The following TTC28 variants were observed in gnomAD, a reference collection of about 807,000 sequenced individuals.
TTC28 encodes the protein tetratricopeptide repeat protein 28.
A neutral mutation model predicts 198.0 loss-of-function variants in TTC28; 61 were observed. The ratio of observed to expected loss-of-function variants is 0.31; its 90% CI spans 0.25 to 0.38. The LOEUF is 0.38. Ranked by LOEUF, TTC28 falls within the 10% of genes least tolerant of loss-of-function variation. The pLI is 1.00. For synonymous variants in TTC28, 1,171 were observed against 1,297.8 expected (o/e 0.90, Z 2.10); for missense variants, 2,678 against 3,164.0 (o/e 0.85, Z 3.69).
intron 5 of TTC28, among the ~76,000 whole-genome samples, chr22:28,290,614 A>T (rs926720786): frequency 2.6e-5 from 4 of 152,164 alleles, no homozygotes; most frequent in Admixed American, 6.5e-5. Flanking sequence ...CTATTTTTTT[A>T]AAAAATCACA....
At chr22:28,196,266 T>C (rs1483290687) in intron 5 of TTC28, among the ~76,000 whole-genome samples, 9 of 152,110 alleles carry the variant, frequency 5.9e-5, no homozygotes, top group Admixed American at 2.0e-4. Flanking sequence ...CCCTTCCTTA[T>C]ACCTTATACA....
chr22:28,152,823 C>A (rs1181048258), intron 6 of TTC28, among the ~76,000 whole-genome samples: 1 of 151,924 alleles, frequency 6.6e-6, no homozygotes, highest in Non-Finnish European at 1.5e-5. Flanking sequence ...CATCAGGTTT[C>A]CATAGATTTC....
At chr22:28,209,171 T>C (rs1244844560) in intron 5 of TTC28, among the ~76,000 whole-genome samples, 1 of 152,118 alleles carries the variant, frequency 6.6e-6, no homozygotes, top group Non-Finnish European at 1.5e-5. Flanking sequence ...TCCTTAGCTA[T>C]AAGAGAGAAG....
At chr22:28,211,515 A>C (rs1051594246) in intron 5 of TTC28, among the ~76,000 whole-genome samples, 31 of 152,188 alleles carry the variant, frequency 2.0e-4, no homozygotes, top group Non-Finnish European at 7.3e-5. Context: ...TAAATAAACA[A>C]GGATCAAAAG....
chr22:28,275,319 T>G (rs1932352692), intron 5 of TTC28, among the ~76,000 whole-genome samples: 1 of 152,224 alleles, frequency 6.6e-6, no homozygotes, highest in African/African-American at 2.4e-5. Flanking sequence ...ATCACTGCCA[T>G]GAGTTTGCCT....
intron 2 of TTC28, among the ~76,000 whole-genome samples, chr22:28,590,505 C>G (rs893395400): frequency 1.3e-5 from 2 of 152,104 alleles, no homozygotes; most frequent in African/African-American, 2.4e-5. Flanking sequence ...GTAATGCCAT[C>G]ACTTTGGGAA....
At chr22:28,415,326 G>A (rs1481577006) in intron 2 of TTC28, among the ~76,000 whole-genome samples, 1 of 151,938 alleles carries the variant, frequency 6.6e-6, no homozygotes, top group Non-Finnish European at 1.5e-5. Flanking sequence ...GAGGCATGCA[G>A]GTAAGCAATT....
At chr22:28,466,857 C>CACACT (rs1568962210) in intron 2 of TTC28, among the ~76,000 whole-genome samples, 1 of 94,448 alleles carries the variant, frequency 1.1e-5, no homozygotes, top group Admixed American at 1.2e-4. Context: ...ACACACACAC[C>CACACT]CCTATGCCAG....
chr22:28,615,600 GAATACTA>G (rs2146167254), intron 2 of TTC28, among the ~76,000 whole-genome samples: 1 of 152,214 alleles, frequency 6.6e-6, no homozygotes, highest in Non-Finnish European at 1.5e-5. Flanking sequence ...ATACACCATG[GAATACTA>G]CACAGCCATA....
At chr22:28,223,430 T>C (rs568715185) in intron 5 of TTC28, among the ~76,000 whole-genome samples, 5 of 152,360 alleles carry the variant, frequency 3.3e-5, no homozygotes, top group Non-Finnish European at 5.9e-5. Flanking sequence ...CTACTATTCA[T>C]TGTTAAACGT....
At position 27,983,385 on chromosome 22, in the gene TTC28, T is replaced by A; in HGVS notation, c.6282A>T (p.Arg2094Ser). Reference protein sequence around the residue: ...QPQPGTAGGMRVSVSSKGSIS... With the variant: ...QPQPGTAGGMSVSVSSKGSIS... The stretch of plus-strand genomic sequence containing the variant: ...TGCTCCCTTTGGAGCTCACCGAGAC[T>A]CTCATGCCTCCGGCTGTCCCAGGTT... Residue 2094 changes from arginine (R) to serine (S), a missense_variant, in exon 23 of 23, where the codon AGA becomes AGT. Physicochemically the swap from Arg to Ser is moderately radical, Grantham distance 110. This residue lies in a region of TTC28 where 622 missense variants were observed against 656.0 expected (regional missense o/e 0.95). Coordinates refer to ENST00000397906, the MANE Select transcript of TTC28 (RefSeq NM_001145418.2). 6.4e-7 allele frequency: 1 copy of A among 1,551,324 alleles called. No individual in the cohort carries two copies. The highest frequency in any genetic ancestry group is 8.7e-7 in the Non-Finnish European group (1 of 1,147,042).
rs746654906 is a variant in TTC28, at chr22:28,107,883, C to T, written c.1962G>A (p.Val654=). The part of the protein sequence containing the change: ...HYCLGNYQEA[V]KYYEQDLALA... ...GTGCCAGATCCTGTTCGTAGTACTT[C>T]ACTGCCTCCTGATAGTTTCCAAGGC... is the stretch of plus-strand genomic sequence containing the variant. The change falls in exon 7 of 23, where the codon GTG becomes GTA. Residue 654 remains valine, a synonymous_variant. Transcript: ENST00000397906. 3 of 1,551,810 alleles carry T rather than the reference C, an allele frequency of 1.9e-6. No individual in the cohort carries two copies. Among genetic ancestry groups the T allele is most frequent in the African/African-American group, 2.7e-5 (2 of 73,182 alleles).
At chr22:28,210,113 A>G (rs1406038380) in intron 5 of TTC28, among the ~76,000 whole-genome samples, 1 of 152,196 alleles carries the variant, frequency 6.6e-6, no homozygotes, top group Non-Finnish European at 1.5e-5. Context: ...CAGAAAGGAC[A>G]TCCACACCAA....
At chr22:28,627,611 T>C (rs1433728090) in intron 2 of TTC28, among the ~76,000 whole-genome samples, 1 of 151,992 alleles carries the variant, frequency 6.6e-6, no homozygotes, top group Non-Finnish European at 1.5e-5. Flanking sequence ...TTTGTGTTTT[T>C]AGTAGAGACG....
chr22:28,314,034 G>A (rs1394464118), intron 2 of TTC28, among the ~76,000 whole-genome samples: 17 of 152,138 alleles, frequency 1.1e-4, no homozygotes, highest in Admixed American at 1.0e-3. Flanking sequence ...CAAAACCAAT[G>A]TGCAAAAATC....
intron 1 of TTC28, among the ~76,000 whole-genome samples, chr22:28,659,233 C>A (rs1011040219): frequency 6.6e-6 from 1 of 152,172 alleles, no homozygotes; most frequent in Non-Finnish European, 1.5e-5. Flanking sequence ...TCTAAACATT[C>A]AACTGTTTCA....
chr22:28,491,571 C>T (rs1179058813), intron 2 of TTC28, among the ~76,000 whole-genome samples: 1 of 152,166 alleles, frequency 6.6e-6, no homozygotes, highest in Non-Finnish European at 1.5e-5. Context: ...TACCATCTCA[C>T]ATCAGTTAGA....
intron 12 of TTC28, among the ~76,000 whole-genome samples, chr22:28,057,299 T>G (rs991705638): frequency 1.3e-5 from 2 of 152,168 alleles, no homozygotes; most frequent in Non-Finnish European, 2.9e-5. Flanking sequence ...ACATTTGTAT[T>G]TTCAGTTTTT....
chr22:28,440,118 G>A (rs1479884350), intron 2 of TTC28, among the ~76,000 whole-genome samples: 1 of 152,188 alleles, frequency 6.6e-6, no homozygotes. Flanking sequence ...TTACAGGCGT[G>A]AGCCATCACG....
Sources: allele counts gnomAD v4.1 joint callset (sites outside exome capture counted in the v4.1 genomes callset), GRCh38; gene constraint gnomAD v4.1.1; regional missense constraint gnomAD v4.1.1; transcripts MANE v1.5; gene names NCBI Gene and HGNC (gene_info 2026-07-23, HGNC 2026-07-21).